The following MBP variants were observed in gnomAD, a reference collection of about 807,000 sequenced individuals.
The protein encoded by MBP is myelin basic protein.
A neutral mutation model predicts 35.8 loss-of-function variants in MBP; 16 were observed. That is an observed-to-expected ratio of 0.45 (90% CI 0.30 to 0.68). The LOEUF (loss-of-function observed/expected upper bound fraction) is 0.68, where lower values mean the gene tolerates loss of function less well. Ranked by LOEUF, MBP falls within the 30% of genes least tolerant of loss-of-function variation. MBP has a pLI of 0.08. For synonymous variants in MBP, 143 were observed against 159.6 expected (o/e 0.90, Z 0.78); for missense variants, 380 against 404.7 (o/e 0.94, Z 0.52).
chr18:77,081,524 G>A (rs1366901430), intron 2 of MBP, among the ~76,000 whole-genome samples: 27 of 152,100 alleles, frequency 1.8e-4, no homozygotes, highest in Admixed American at 1.8e-3. Context: ...AGGATGGCTA[G>A]AATCAAAAAG....
chr18:77,013,145 T>C (rs1331174617), intron 4 of MBP: 1 of 985,308 alleles, frequency 1.0e-6, no homozygotes, highest in East Asian at 1.1e-4. Flanking sequence ...TCTCAAAAGG[T>C]ATTTGTTTGG....
chr18:77,131,068 C>T lies in MBP; in HGVS notation c.-26+1512G>A, dbSNP rs1247768657. 1.9e-4 allele frequency among the ~76,000 whole-genome samples: 7 copies of T among 36,810 alleles called. No homozygotes were observed. The highest frequency in any genetic ancestry group is 7.3e-4 in the African/African-American group (7 of 9,618). The allele number at this position is 36,810 out of a possible 152,430, so 24.1% of individuals were successfully genotyped here. A position where few individuals can be genotyped will look rare whatever the true frequency, so the allele number is the denominator to read the frequency against. ...AAAACCTCAAAAAACAAAACACACA[C>T]ACGCGCGCACGCACGCGCACACACA... On this transcript the variant is annotated intron_variant, in intron 1 of 8. Coordinates refer to ENST00000355994, the MANE Select transcript of MBP (RefSeq NM_001025101.2). The surrounding 1 kb of genome is among the most constrained non-coding windows in gnomAD (Gnocchi z 5.5).
chr18:76,999,156 C>T (rs895355860), intron 4 of MBP, among the ~76,000 whole-genome samples: 1 of 151,362 alleles, frequency 6.6e-6, no homozygotes, highest in Admixed American at 6.6e-5. Flanking sequence ...AAAGAAACAA[C>T]GGGAGGAGGT....
At chr18:77,015,939 G>A (rs1313789926) in intron 4 of MBP, 5 of 985,330 alleles carry the variant, frequency 5.1e-6, no homozygotes, top group Non-Finnish European at 6.0e-6. Flanking sequence ...TACAGGTTGT[G>A]TGAGAACACC....
At chr18:76,997,766 T>A (rs1970367899) in intron 4 of MBP, among the ~76,000 whole-genome samples, 1 of 150,654 alleles carries the variant, frequency 6.6e-6, no homozygotes, top group African/African-American at 2.5e-5. Flanking sequence ...CACTGCAAGC[T>A]CCGCCTCCCG....
chr18:77,046,926 C>T (rs1471390724), intron 3 of MBP, among the ~76,000 whole-genome samples: 1 of 152,188 alleles, frequency 6.6e-6, no homozygotes, highest in African/African-American at 2.4e-5. Flanking sequence ...ATCTCTGATG[C>T]CAGGAAACAT....
At chr18:77,081,317 T>C (rs1974888952) in intron 2 of MBP, among the ~76,000 whole-genome samples, 1 of 152,180 alleles carries the variant, frequency 6.6e-6, no homozygotes, top group South Asian at 2.1e-4. Context: ...ACAAAGATCA[T>C]GTATCCAGAA....
intron 3 of MBP, among the ~76,000 whole-genome samples, chr18:77,049,791 T>C (rs1351697861): frequency 6.6e-6 from 1 of 152,178 alleles, no homozygotes; most frequent in Non-Finnish European, 1.5e-5. Context: ...GCAATTCTCC[T>C]GCCTCAGCTT....
At chr18:77,106,383 T>C (rs550402922) in intron 1 of MBP, among the ~76,000 whole-genome samples, 15 of 152,284 alleles carry the variant, frequency 9.9e-5, no homozygotes, top group African/African-American at 2.9e-4. Flanking sequence ...GACACTTTTC[T>C]GCAGGCGGGC....
At chr18:77,070,756 C>T (rs12456480) in intron 2 of MBP, among the ~76,000 whole-genome samples, 28,689 of 152,056 alleles carry the variant, frequency 0.19, 3,057 homozygotes, top group South Asian at 0.29. Context: ...CACCCTCTCC[C>T]GCCACTGAAT....
intron 2 of MBP, among the ~76,000 whole-genome samples, chr18:77,075,769 G>A (rs548230469): frequency 6.6e-6 from 1 of 152,260 alleles, no homozygotes; most frequent in Admixed American, 6.5e-5. Context: ...TGTGCACACC[G>A]CACTAATGGG....
Position 77,132,728 on chromosome 18 carries a change from G to T in MBP, c.-174C>A. 1 of 151,896 alleles carries T rather than the reference G, an allele frequency of 6.6e-6. No individual in the cohort carries two copies. Among genetic ancestry groups the T allele is most frequent in the Non-Finnish European group, 1.5e-5 (1 of 67,996 alleles). The allele number at this position is 151,896 out of a possible 1,614,324, so 9.4% of individuals were successfully genotyped here. On this transcript the variant is annotated 5_prime_UTR_variant, in exon 1 of 9. Transcript: ENST00000355994. Reference sequence around the variant, plus strand: ...CCTGCTTCGCCTTCCGGGGTCGGGAGACAGGGGCCGCCGGGGCCGGAGGCT... The same window carrying T: ...CCTGCTTCGCCTTCCGGGGTCGGGATACAGGGGCCGCCGGGGCCGGAGGCT...
At chr18:77,026,760 G>A (rs1006460547) in intron 3 of MBP, among the ~76,000 whole-genome samples, 6 of 152,288 alleles carry the variant, frequency 3.9e-5, no homozygotes, top group Admixed American at 3.9e-4. Context: ...CAGCTCCTCA[G>A]GAGGCTGAGG....
Position 77,019,838 on chromosome 18 carries a change from C to T in MBP, c.140-2570G>A, listed in dbSNP as rs79551519. ...CCCCCACTGGAAGCCTGCGCGGAAT[C>T]GGCTCCCGGTGGCGGAAGCAGCAGG... On this transcript the variant is annotated intron_variant, in intron 3 of 8. Transcript: ENST00000355994. Among the ~76,000 whole-genome samples the T allele has an allele frequency of 3.0e-3, 464 of 152,244 alleles. 4 individuals carry two copies. Among genetic ancestry groups the T allele is most frequent in the African/African-American group, 0.01 (434 of 41,558 alleles).
chr18:77,047,391 C>G (rs1014240824), intron 3 of MBP, among the ~76,000 whole-genome samples: 1 of 152,230 alleles, frequency 6.6e-6, no homozygotes, highest in Admixed American at 6.5e-5. Context: ...CCATAAAACA[C>G]CACGCATTTA....
At chr18:77,004,524 C>T (rs1970811089) in intron 4 of MBP, 1 of 152,186 alleles carries the variant, frequency 6.6e-6, no homozygotes, top group Admixed American at 6.5e-5. Flanking sequence ...TAATGAAAGT[C>T]ACGGGCATTT....
chr18:77,014,840 C>T, intron 4 of MBP: 1 of 985,328 alleles, frequency 1.0e-6, no homozygotes, highest in Non-Finnish European at 1.2e-6. Context: ...AAGGGCAAGC[C>T]TGTTCATTAA....
chr18:77,024,358 C>T (rs973479979), intron 3 of MBP, among the ~76,000 whole-genome samples: 7 of 152,210 alleles, frequency 4.6e-5, no homozygotes, highest in South Asian at 2.1e-4. Context: ...TTGGATACCC[C>T]GGTCTAAAGA....
rs1199497310 is a variant in MBP, at chr18:77,020,066, G to C, written c.140-2798C>G. On this transcript the variant is annotated intron_variant, in intron 3 of 8. Transcript: ENST00000355994. The surrounding 1 kb of genome is among the most constrained non-coding windows in gnomAD (Gnocchi z 4.1). ...CTATGTGGCGAGAAGACAGGGCTTG[G>C]TTTGGGGAGCAGCGGGGCCTGGGGA... Among the ~76,000 whole-genome samples the C allele has an allele frequency of 6.6e-6, 1 of 152,176 alleles. No individual in the cohort carries two copies. The highest frequency in any genetic ancestry group is 1.9e-4 in the East Asian group (1 of 5,196).
Sources: allele counts gnomAD v4.1 joint callset (sites outside exome capture counted in the v4.1 genomes callset), GRCh38; gene constraint gnomAD v4.1.1; non-coding constraint Gnocchi (gnomAD v3.1); transcripts MANE v1.5; gene names NCBI Gene and HGNC (gene_info 2026-07-23, HGNC 2026-07-21).